The following TAOK3 variants were observed in gnomAD, a reference collection of about 807,000 sequenced individuals.
The protein encoded by TAOK3 is serine/threonine-protein kinase TAO3.
A neutral mutation model predicts 120.4 loss-of-function variants in TAOK3; 40 were observed. The ratio of observed to expected loss-of-function variants is 0.33; its 90% CI spans 0.26 to 0.43. TAOK3 has a LOEUF of 0.43. Ranked by LOEUF, TAOK3 falls within the 20% of genes least tolerant of loss-of-function variation. The pLI is 1.00. For missense variants in TAOK3, 821 were observed against 1,112.1 expected (o/e 0.74, Z 3.72); for synonymous variants, 355 against 387.5 (o/e 0.92, Z 0.99).
At chr12:118,229,083 T>C (rs1006841228) in intron 9 of TAOK3, among the ~76,000 whole-genome samples, 17 of 151,958 alleles carry the variant, frequency 1.1e-4, no homozygotes, top group African/African-American at 3.6e-4. Flanking sequence ...TACTGGTTGT[T>C]TGGCTTTTTC....
intron 3 of TAOK3, 50 bp from the exon 4 acceptor site, chr12:118,245,015 C>A (rs1172075388): frequency 8.0e-7 from 1 of 1,245,612 alleles, no homozygotes; most frequent in East Asian, 2.4e-5. Context: ...GATGTTTCAG[C>A]CAATTTAACT....
intron 5 of TAOK3, among the ~76,000 whole-genome samples, chr12:118,242,814 C>T (rs764248617): frequency 2.1e-4 from 32 of 152,082 alleles, no homozygotes; most frequent in African/African-American, 7.0e-4. Flanking sequence ...CAGCTGAGAT[C>T]GCACCACTGC....
chr12:118,151,679 A>G (rs916510913), intron 20 of TAOK3, among the ~76,000 whole-genome samples: 1 of 152,196 alleles, frequency 6.6e-6, no homozygotes, highest in East Asian at 1.9e-4. Flanking sequence ...AAGCAAATAA[A>G]TGCTTAACAG....
chr12:118,240,048 G>C (rs1187357365), intron 5 of TAOK3, among the ~76,000 whole-genome samples: 4 of 152,100 alleles, frequency 2.6e-5, no homozygotes, highest in Non-Finnish European at 5.9e-5. Context: ...TGCACCTGTG[G>C]TCCCAGCTAC....
chr12:118,218,310 GA>G (rs2039042242), intron 9 of TAOK3, among the ~76,000 whole-genome samples: 1 of 152,072 alleles, frequency 6.6e-6, no homozygotes, highest in Non-Finnish European at 1.5e-5. Context: ...GCAGATTTTA[GA>G]AAGTTTGCAG....
At chr12:118,318,419 G>A (rs1366342622) in intron 1 of TAOK3, among the ~76,000 whole-genome samples, 3 of 152,106 alleles carry the variant, frequency 2.0e-5, no homozygotes, top group Admixed American at 1.3e-4. Context: ...GCCTCCCAAA[G>A]TGCTGGGATT....
chr12:118,183,572 G>T (rs756216938), intron 14 of TAOK3, among the ~76,000 whole-genome samples: 12 of 152,060 alleles, frequency 7.9e-5, no homozygotes, highest in Non-Finnish European at 1.5e-4. Context: ...AATTCAAGAT[G>T]AAAGGAGGAA....
intron 1 of TAOK3, among the ~76,000 whole-genome samples, chr12:118,356,932 A>T (rs2141272053): frequency 6.6e-6 from 1 of 152,268 alleles, no homozygotes; most frequent in South Asian, 2.1e-4. Context: ...TAAATAAACA[A>T]GCAAGCTACT....
At chr12:118,336,534 G>A (rs926415623) in intron 1 of TAOK3, among the ~76,000 whole-genome samples, 10 of 151,860 alleles carry the variant, frequency 6.6e-5, no homozygotes, top group Non-Finnish European at 1.5e-5. Flanking sequence ...GGGGGATCTA[G>A]GAATAGGCAA....
intron 1 of TAOK3, among the ~76,000 whole-genome samples, chr12:118,272,976 GA>G (rs371957516): frequency 1.4e-4 from 21 of 145,510 alleles, no homozygotes; most frequent in Admixed American, 1.4e-4. Context: ...AACTTGTCTG[GA>G]AAAAAAAAAA....
At chr12:118,279,955 T>C (rs1455411282) in intron 1 of TAOK3, among the ~76,000 whole-genome samples, 1 of 150,744 alleles carries the variant, frequency 6.6e-6, no homozygotes, top group Non-Finnish European at 1.5e-5. Flanking sequence ...TTAGTAGAGA[T>C]GGGGTTTCAC....
chr12:118,359,420 C>T (rs1377891290), intron 1 of TAOK3: 2 of 152,104 alleles, frequency 1.3e-5, no homozygotes, highest in African/African-American at 2.4e-5. Context: ...AATTATTTTA[C>T]ACTTAGGCAC....
intron 3 of TAOK3, among the ~76,000 whole-genome samples, chr12:118,251,286 T>C (rs747747313): frequency 3.3e-5 from 5 of 152,234 alleles, no homozygotes; most frequent in African/African-American, 7.2e-5. Flanking sequence ...AAGCAACTTA[T>C]ATAAATACTA....
chr12:118,172,627 C>G lies in TAOK3; in HGVS notation c.1729G>C (p.Glu577Gln). ...MNEDHSTPKK[E>Q]KQERISKHKE... ...TGTTTGGAGATCCGCTCTTGCTTCT[C>G]TTTCTTGGGTGTGCTATGGTCCTCA... Residue 577 changes from glutamate (E) to glutamine (Q), a missense_variant, in exon 17 of 21, where the codon GAG (glutamate) becomes CAG (glutamine). By Grantham distance (29) the Glu-to-Gln change is conservative. This residue lies in a region of TAOK3 where 354 missense variants were observed against 572.1 expected (regional missense o/e 0.62). Transcript: ENST00000392533. 2 of 1,614,156 alleles carry G rather than the reference C, an allele frequency of 1.2e-6. No homozygotes were observed. The highest frequency in any genetic ancestry group is 1.7e-6 in the Non-Finnish European group (2 of 1,180,016).
intron 1 of TAOK3, among the ~76,000 whole-genome samples, chr12:118,282,354 A>G (rs190477568): frequency 1.1e-4 from 17 of 152,348 alleles, no homozygotes; most frequent in East Asian, 7.7e-4. Context: ...TTAAAAAGTT[A>G]TAGAGAATTA....
At chr12:118,291,916 C>G (rs748910305) in intron 1 of TAOK3, among the ~76,000 whole-genome samples, 1 of 151,994 alleles carries the variant, frequency 6.6e-6, no homozygotes, top group Admixed American at 6.6e-5. Flanking sequence ...CGGGTTCAAG[C>G]GATTCTCCTG....
At chr12:118,163,341 G>C (rs891310376) in intron 17 of TAOK3, among the ~76,000 whole-genome samples, 2 of 150,384 alleles carry the variant, frequency 1.3e-5, no homozygotes, top group Non-Finnish European at 3.0e-5. Flanking sequence ...AGACATTCCT[G>C]TATTTCTATA....
intron 1 of TAOK3, among the ~76,000 whole-genome samples, chr12:118,311,221 G>A (rs1430413696): frequency 6.6e-6 from 1 of 152,166 alleles, no homozygotes; most frequent in Non-Finnish European, 1.5e-5. Context: ...ACCACCTTGG[G>A]AGACCGAGGC....
At chr12:118,185,311 G>A (rs1369336008) in intron 14 of TAOK3, among the ~76,000 whole-genome samples, 2 of 151,898 alleles carry the variant, frequency 1.3e-5, no homozygotes, top group Admixed American at 6.6e-5. Flanking sequence ...AGCAAAATTC[G>A]GCCCTAAAAC....
Sources: allele counts gnomAD v4.1 joint callset (sites outside exome capture counted in the v4.1 genomes callset), GRCh38; gene constraint gnomAD v4.1.1; regional missense constraint gnomAD v4.1.1; transcripts MANE v1.5; gene names NCBI Gene and HGNC (gene_info 2026-07-23, HGNC 2026-07-21).